CEP128: variants seen among roughly 807,000 people sequenced by gnomAD.
CEP128 encodes centrosomal protein 128.
In CEP128, 132 loss-of-function variants were observed where a neutral mutation model predicts 156.7. The ratio of observed to expected loss-of-function variants is 0.84; its 90% CI spans 0.73 to 0.97. The LOEUF (loss-of-function observed/expected upper bound fraction) is 0.97, where lower values mean the gene tolerates loss of function less well. CEP128 is among the 50% of genes least tolerant of loss of function. The pLI, the probability that CEP128 is intolerant of heterozygous loss-of-function variation, is 0.00. For missense variants in CEP128, 1,252 were observed against 1,281.9 expected (o/e 0.98, Z 0.36); for synonymous variants, 469 against 448.9 (o/e 1.04, Z -0.57).
intron 19 of CEP128, among the ~76,000 whole-genome samples, chr14:80,624,233 T>C (rs1893612407): frequency 6.6e-6 from 1 of 152,188 alleles, no homozygotes; most frequent in Non-Finnish European, 1.5e-5. Context: ...GGCTCATCCA[T>C]GTTGCCAGGA....
chr14:80,633,815 G>A (rs1189480861), intron 19 of CEP128, among the ~76,000 whole-genome samples: 1 of 152,108 alleles, frequency 6.6e-6, no homozygotes, highest in Admixed American at 6.6e-5. Context: ...TAAAATAAAT[G>A]TGTGCCCATG....
Position 80,892,663 on chromosome 14 carries a change from T to C in CEP128, c.645+3055A>G, listed in dbSNP as rs550077288. ...CAAACAATATATCTGATGAGGTTAA[T>C]ACCCAAAATTTACAAAGAACTCATA... On this transcript the variant is annotated intron_variant, in intron 8 of 24. Transcript: ENST00000555265. Among the ~76,000 whole-genome samples the C allele has an allele frequency of 1.1e-3, 174 of 151,926 alleles. 1 individual carries two copies. The highest frequency in any genetic ancestry group is 4.0e-3 in the African/African-American group (165 of 41,474).
intron 19 of CEP128, among the ~76,000 whole-genome samples, chr14:80,680,364 C>A (rs999040817): frequency 6.6e-6 from 1 of 152,126 alleles, no homozygotes. Flanking sequence ...TTGCCTAGAC[C>A]AGCATCCCAC....
At chr14:80,855,045 T>G (rs968893344) in intron 9 of CEP128, among the ~76,000 whole-genome samples, 1 of 152,136 alleles carries the variant, frequency 6.6e-6, no homozygotes, top group African/African-American at 2.4e-5. Context: ...AAAGTGTGGC[T>G]CAAAATAAGC....
intron 19 of CEP128, among the ~76,000 whole-genome samples, chr14:80,619,367 G>GACACACACACACAC (rs34190837): frequency 0.016 from 2,260 of 139,400 alleles, 31 homozygotes; most frequent in East Asian, 0.03. Flanking sequence ...AAGACACACA[G>GACACACACACACAC]ACACACACAC....
At chr14:80,582,828 A>T (rs1370034381) in intron 19 of CEP128, among the ~76,000 whole-genome samples, 1 of 152,236 alleles carries the variant, frequency 6.6e-6, no homozygotes, top group Admixed American at 6.5e-5. Flanking sequence ...ACTTAGCTCC[A>T]TTACTTCTGG....
intron 14 of CEP128, among the ~76,000 whole-genome samples, chr14:80,485,084 T>C (rs532845659): frequency 5.9e-5 from 9 of 152,208 alleles, no homozygotes; most frequent in African/African-American, 2.2e-4. Context: ...CAGAACTGCA[T>C]TGTTCTCACA....
In CEP128 at chr14:80,856,664, C is replaced by T. The variant is rs574393191; in HGVS notation, c.762+6093G>A. Among the ~76,000 whole-genome samples, 47 of 142,342 alleles carry T rather than the reference C, an allele frequency of 3.3e-4. 1 individual carries two copies. The highest frequency in any genetic ancestry group is 1.9e-3 in the South Asian group (8 of 4,266). The allele number at this position is 142,342 out of a possible 152,430, so 93.4% of individuals were successfully genotyped here. A position where few individuals can be genotyped will look rare whatever the true frequency, so the allele number is the denominator to read the frequency against. ...ATAAAAGTGCTCTGGAGTGTGCCTG[C>T]GTGTGTGTGTGTGCGTGTGTGTGTG... is the stretch of plus-strand genomic sequence containing the variant. On this transcript the variant is annotated intron_variant, in intron 9 of 24. Transcript: ENST00000555265.
At chr14:80,627,962 CTG>C (rs761139474) in intron 19 of CEP128, among the ~76,000 whole-genome samples, 2 of 151,650 alleles carry the variant, frequency 1.3e-5, no homozygotes, top group African/African-American at 4.8e-5. Context: ...CTCACTCAGG[CTG>C]TGTGTGTGTG....
chr14:80,489,101 T>C (rs561447855), downstream of CEP128, among the ~76,000 whole-genome samples: 1 of 151,572 alleles, frequency 6.6e-6, no homozygotes, highest in African/African-American at 2.4e-5. Flanking sequence ...AACCTGCACA[T>C]TGTGCACATG....
At chr14:80,619,837 TG>T (rs758034158) in intron 19 of CEP128, among the ~76,000 whole-genome samples, 17 of 151,762 alleles carry the variant, frequency 1.1e-4, no homozygotes, top group Non-Finnish European at 1.9e-4. Flanking sequence ...GAGAAAAGAA[TG>T]AGTAGGCCAG....
intron 19 of CEP128, among the ~76,000 whole-genome samples, chr14:80,651,677 T>C (rs577793877): frequency 1.3e-5 from 2 of 152,218 alleles, no homozygotes; most frequent in East Asian, 1.9e-4. Context: ...GTTATTTACC[T>C]AGTAGTCATT....
chr14:80,838,008 CT>C (rs1488439077), intron 11 of CEP128, among the ~76,000 whole-genome samples, 195 bp downstream of exon 11: 4 of 152,316 alleles, frequency 2.6e-5, no homozygotes, highest in African/African-American at 7.2e-5. Flanking sequence ...GGGACTCTGG[CT>C]GGTGTTTGTA....
chr14:80,941,324 C>A (rs962943720), intron 1 of CEP128, among the ~76,000 whole-genome samples: 1 of 152,164 alleles, frequency 6.6e-6, no homozygotes, highest in African/African-American at 2.4e-5. Flanking sequence ...AAAGGAAGGA[C>A]AATGTAGTCC....
At chr14:80,643,430 G>A (rs1413466464) in intron 19 of CEP128, among the ~76,000 whole-genome samples, 1 of 152,130 alleles carries the variant, frequency 6.6e-6, no homozygotes, top group Non-Finnish European at 1.5e-5. Flanking sequence ...TAAGAATTGT[G>A]GTGGCTGGCC....
At chr14:80,796,203 A>C (rs1883463467) in intron 13 of CEP128, among the ~76,000 whole-genome samples, 7 of 152,190 alleles carry the variant, frequency 4.6e-5, no homozygotes, top group Admixed American at 4.6e-4. Flanking sequence ...ATAACTCTTT[A>C]AAAATCTTAC....
At chr14:80,694,321 C>A (rs887656532) in intron 19 of CEP128, among the ~76,000 whole-genome samples, 2 of 152,114 alleles carry the variant, frequency 1.3e-5, no homozygotes, top group African/African-American at 4.8e-5. Flanking sequence ...ATTAGTTCAA[C>A]CTTTGTGGAG....
At chr14:80,791,959 C>T (rs544366454) in intron 14 of CEP128, among the ~76,000 whole-genome samples, 4 of 152,162 alleles carry the variant, frequency 2.6e-5, no homozygotes, top group South Asian at 4.2e-4. Context: ...ACAGAGTTCT[C>T]GACAAGTGAC....
At chr14:80,869,144 G>C (rs1014599573) in intron 8 of CEP128, among the ~76,000 whole-genome samples, 14 of 151,864 alleles carry the variant, frequency 9.2e-5, no homozygotes, top group African/African-American at 1.7e-4. Flanking sequence ...AACATATACA[G>C]AACATTCCAT....
Sources: allele counts gnomAD v4.1 joint callset (sites outside exome capture counted in the v4.1 genomes callset), GRCh38; gene constraint gnomAD v4.1.1; transcripts MANE v1.5; gene names NCBI Gene and HGNC (gene_info 2026-07-23, HGNC 2026-07-21).